The following GHR variants were observed in gnomAD, a reference collection of about 807,000 sequenced individuals.
GHR encodes the protein GH receptor.
Under a neutral mutation model 67.1 loss-of-function variants are expected in GHR, and 35 were observed. That is an observed-to-expected ratio of 0.52 (90% CI 0.40 to 0.69). The LOEUF is 0.69. Ranked by LOEUF, GHR falls within the 30% of genes least tolerant of loss-of-function variation. The pLI is 0.00. For synonymous variants in GHR, 272 were observed against 269.1 expected (o/e 1.01, Z -0.10); for missense variants, 792 against 764.6 (o/e 1.04, Z -0.42).
At chr5:42,593,840 T>A (rs1751927295) in intron 2 of GHR, among the ~76,000 whole-genome samples, 1 of 152,202 alleles carries the variant, frequency 6.6e-6, no homozygotes. Flanking sequence ...GGAAATCAGA[T>A]GCTGATTTCT....
chr5:42,447,729 CTCTTTCTT>C (rs1380554444), intron 1 of GHR, among the ~76,000 whole-genome samples: 1 of 129,112 alleles, frequency 7.7e-6, no homozygotes, highest in Non-Finnish European at 1.6e-5. Context: ...CCCTCTCTCT[CTCTTTCTT>C]TCTTTCCTTT....
intron 1 of GHR, among the ~76,000 whole-genome samples, chr5:42,483,211 C>G (rs1017195553): frequency 6.6e-6 from 1 of 152,182 alleles, no homozygotes; most frequent in Non-Finnish European, 1.5e-5. Context: ...ACCTCCACCC[C>G]TGGCTAATTT....
intron 1 of GHR, among the ~76,000 whole-genome samples, chr5:42,492,446 G>T: frequency 6.6e-6 from 1 of 152,150 alleles, no homozygotes. Flanking sequence ...GTGAATGCAT[G>T]TTCATGAAGA....
chr5:42,576,133 T>TAAAA (rs1231107195), intron 2 of GHR, among the ~76,000 whole-genome samples: 1 of 93,172 alleles, frequency 1.1e-5, no homozygotes, highest in African/African-American at 4.6e-5. Context: ...TAAAATAAAA[T>TAAAA]AAAATAAAAT....
At chr5:42,684,393 G>C (rs939344645) in intron 3 of GHR, among the ~76,000 whole-genome samples, 2 of 152,170 alleles carry the variant, frequency 1.3e-5, no homozygotes, top group Non-Finnish European at 2.9e-5. Context: ...ATGTGAAATA[G>C]TCTCCTCAGA....
At chr5:42,591,402 T>A (rs34556930) in intron 2 of GHR, among the ~76,000 whole-genome samples, 8,494 of 152,294 alleles carry the variant, frequency 0.056, 526 homozygotes, top group African/African-American at 0.15. Context: ...GTGGGTAGGA[T>A]CTTTGGTTTT....
chr5:42,474,625 AAC>A, intron 1 of GHR, among the ~76,000 whole-genome samples: 1 of 152,124 alleles, frequency 6.6e-6, no homozygotes, highest in African/African-American at 2.4e-5. Flanking sequence ...CAACAACAAC[AAC>A]AAAAAAAGGC....
chr5:42,532,777 AT>A (rs1294089435), intron 1 of GHR, among the ~76,000 whole-genome samples: 2 of 152,226 alleles, frequency 1.3e-5, no homozygotes, highest in East Asian at 1.9e-4. Context: ...ACCCTAGTTC[AT>A]TTTTTAATTG....
At position 42,423,859 on chromosome 5, in the gene GHR, G is replaced by A. The variant is rs1010971976; in HGVS notation, c.-108G>A. The A allele has an allele frequency of 1.9e-5, 3 of 158,696 alleles. No homozygotes were observed. The Admixed American group carries it at 2.0e-4, about 10-fold the overall frequency. 9.8% of individuals were successfully genotyped at this position (158,696 alleles called of 1,614,324 possible). On this transcript the variant is annotated 5_prime_UTR_variant, in exon 1 of 10. Coordinates refer to ENST00000230882, the MANE Select transcript of GHR (RefSeq NM_000163.5). ...GCTGCTGAGCCCGGGCGGCGGCGGG[G>A]ACCCCGGGCTGGGGCCACGCGGGCC...
chr5:42,715,492 T>C (rs1231642642), intron 8 of GHR, among the ~76,000 whole-genome samples: 1 of 152,234 alleles, frequency 6.6e-6, no homozygotes, highest in African/African-American at 2.4e-5. Context: ...GCAAAATTTA[T>C]AATTTTATTT....
chr5:42,511,638 A>G (rs189378106), intron 1 of GHR, among the ~76,000 whole-genome samples: 189 of 151,894 alleles, frequency 1.2e-3, no homozygotes, highest in African/African-American at 4.2e-3. Context: ...GCTGTTTTTT[A>G]TTAGATAATA....
chr5:42,661,046 G>A (rs78322885), intron 3 of GHR, among the ~76,000 whole-genome samples: 1 of 152,112 alleles, frequency 6.6e-6, no homozygotes, highest in Non-Finnish European at 1.5e-5. Context: ...AGTGAGAAGG[G>A]AAGTTTAGAG....
chr5:42,706,588 A>G (rs2111784297), intron 6 of GHR, among the ~76,000 whole-genome samples: 1 of 152,312 alleles, frequency 6.6e-6, no homozygotes, highest in Middle Eastern at 3.4e-3. Flanking sequence ...GAAGGGGTCC[A>G]GTTTCAATCT....
rs913578156 is a variant in GHR at position 42,466,008 on chromosome 5, C to G, written c.-12+42053C>G. On this transcript the variant is annotated intron_variant, in intron 1 of 9. Transcript: ENST00000230882. ...CTTCCAACTTGTCTTATTCCTTCTTCTTTTTGTGTTTTTTATTTTTCCTCT... is the reference window on the plus strand; with the variant it reads ...CTTCCAACTTGTCTTATTCCTTCTTGTTTTTGTGTTTTTTATTTTTCCTCT... The G allele has an allele frequency of 4.0e-5, 23 of 575,980 alleles. No individual in the cohort carries two copies. In the African/African-American group the frequency reaches 4.4e-4, roughly 11 times the overall value. The allele number at this position is 575,980 out of a possible 1,614,324, so 35.7% of individuals were successfully genotyped here. A position where few individuals can be genotyped will look rare whatever the true frequency, so the allele number is the denominator to read the frequency against.
At chr5:42,563,645 A>ATAC (rs1353845665) in intron 1 of GHR, among the ~76,000 whole-genome samples, 2 of 150,308 alleles carry the variant, frequency 1.3e-5, no homozygotes, top group African/African-American at 4.9e-5. Context: ...AAAAAAAAAA[A>ATAC]AAAAATACAA....
chr5:42,672,918 A>C (rs528478340), intron 3 of GHR, among the ~76,000 whole-genome samples: 3 of 152,286 alleles, frequency 2.0e-5, no homozygotes, highest in Non-Finnish European at 4.4e-5. Flanking sequence ...AAAAACTGAC[A>C]AGTTTTTCTG....
At chr5:42,531,381 G>T (rs1481945674) in intron 1 of GHR, among the ~76,000 whole-genome samples, 1 of 152,132 alleles carries the variant, frequency 6.6e-6, no homozygotes, top group Non-Finnish European at 1.5e-5. Flanking sequence ...ATGAGTAGCA[G>T]AAAAAGAAAA....
At chr5:42,675,319 T>G (rs1039533682) in intron 3 of GHR, among the ~76,000 whole-genome samples, 5 of 152,160 alleles carry the variant, frequency 3.3e-5, no homozygotes, top group Admixed American at 3.3e-4. Flanking sequence ...CCTTGGCATA[T>G]CCCCCTCTCT....
rs1437075005 is a variant in GHR at position 42,695,067 on chromosome 5, G to A, written c.417G>A (p.Lys139=). The change falls in exon 5 of 10, where the codon AAG becomes AAA. Residue 139 remains lysine, a synonymous_variant. Coordinates refer to ENST00000230882, the MANE Select transcript of GHR (RefSeq NM_000163.5). ...LTSNGGTVDE[K]CFSVDEIVQP... ...GCAATGGTGGTACAGTGGATGAAAA[G>A]TGTTTCTCTGTTGATGAAATAGGTA... 2 of 1,610,784 alleles carry A rather than the reference G, an allele frequency of 1.2e-6. No individual in the cohort carries two copies. Among genetic ancestry groups the A allele is most frequent in the East Asian group, 2.2e-5 (1 of 44,852 alleles).
Sources: gnomAD v4.1 joint callset for allele counts (sites outside exome capture counted in the v4.1 genomes callset) on GRCh38, gnomAD v4.1.1 for gene constraint, MANE v1.5 for transcripts, NCBI Gene and HGNC (gene_info 2026-07-23, HGNC 2026-07-21) for gene names.